The following NF1 variants were observed in gnomAD, a reference collection of about 807,000 sequenced individuals.
NF1 encodes the protein neurofibromin.
In NF1, 122 loss-of-function variants were observed where a neutral mutation model predicts 325.7. That is an observed-to-expected ratio of 0.37 (90% confidence interval 0.32 to 0.44). The LOEUF is 0.44. Ranked by LOEUF, NF1 falls within the 20% of genes least tolerant of loss-of-function variation. The pLI, the probability that NF1 is intolerant of heterozygous loss-of-function variation, is 1.00. For synonymous variants in NF1, 1,091 were observed against 1,186.0 expected (o/e 0.92, Z 1.65); for missense variants, 2,140 against 3,415.4 (o/e 0.63, Z 9.31).
intron 13 of NF1, among the ~76,000 whole-genome samples, chr17:31,215,102 G>A (rs980482541): frequency 2.6e-5 from 4 of 152,144 alleles, no homozygotes; most frequent in Non-Finnish European, 5.9e-5. Flanking sequence ...GTTAGTACTT[G>A]AGTTAGTGTG....
At chr17:31,144,067 C>T (rs1916419538) in intron 1 of NF1, among the ~76,000 whole-genome samples, 1 of 152,206 alleles carries the variant, frequency 6.6e-6, no homozygotes, top group Non-Finnish European at 1.5e-5. Flanking sequence ...TCGTGATCCG[C>T]CCGCCTCGGC....
At chr17:31,121,914 G>A (rs997223312) in intron 1 of NF1, among the ~76,000 whole-genome samples, 3 of 152,146 alleles carry the variant, frequency 2.0e-5, no homozygotes, top group Admixed American at 1.3e-4. Context: ...AATTATTCTG[G>A]TTCTGAAGGA....
At chr17:31,208,703 C>G (rs188429809) in intron 12 of NF1, among the ~76,000 whole-genome samples, 2 of 152,114 alleles carry the variant, frequency 1.3e-5, no homozygotes, top group South Asian at 4.1e-4. Context: ...CCAGCCTGGC[C>G]AACATGGTGA....
intron 5 of NF1, among the ~76,000 whole-genome samples, chr17:31,179,366 G>T (rs1165856034): frequency 2.6e-5 from 4 of 152,208 alleles, no homozygotes; most frequent in African/African-American, 9.7e-5. Context: ...ATAGCAGTGT[G>T]TAGAGGGAAA....
intron 36 of NF1, among the ~76,000 whole-genome samples, chr17:31,323,286 A>T (rs943161458): frequency 2.6e-5 from 4 of 151,924 alleles, no homozygotes; most frequent in African/African-American, 4.8e-5. Flanking sequence ...GGTGGCGCTT[A>T]TCTGTAGTCC....
chr17:31,363,161 G>C (rs1419595981), intron 57 of NF1, among the ~76,000 whole-genome samples: 1 of 152,148 alleles, frequency 6.6e-6, no homozygotes, highest in Non-Finnish European at 1.5e-5. Flanking sequence ...TCACTCAATT[G>C]TGTGTCATTG....
At chr17:31,210,890 G>A (rs1341675908) in intron 12 of NF1, among the ~76,000 whole-genome samples, 1 of 151,964 alleles carries the variant, frequency 6.6e-6, no homozygotes, top group Non-Finnish European at 1.5e-5. Context: ...TACCTTTGTA[G>A]TATTTTTTTA....
chr17:31,338,510 C>T (rs922542136), intron 45 of NF1, among the ~76,000 whole-genome samples, 194 bp from the exon 46 acceptor site: 14 of 152,072 alleles, frequency 9.2e-5, no homozygotes, highest in African/African-American at 3.4e-4. Flanking sequence ...ATGTCTGACT[C>T]TTATAATGTA....
intron 15 of NF1, 88 bp from the exon 16 acceptor site, chr17:31,223,356 A>G (rs2144013762): frequency 6.7e-7 from 1 of 1,490,616 alleles, no homozygotes; most frequent in South Asian, 1.1e-5. Context: ...ACTTGTATTC[A>G]TTATGGGAGA....
chr17:31,365,414 A>G (rs1289887270), intron 57 of NF1, among the ~76,000 whole-genome samples: 5 of 152,212 alleles, frequency 3.3e-5, no homozygotes, highest in African/African-American at 1.2e-4. Flanking sequence ...AGTTAATTCA[A>G]TAAACATTTG....
At chr17:31,101,519 G>A (rs1456632299) in intron 1 of NF1, among the ~76,000 whole-genome samples, 1 of 152,116 alleles carries the variant, frequency 6.6e-6, no homozygotes, top group Non-Finnish European at 1.5e-5. Flanking sequence ...GACCCCACTT[G>A]ATTTACCAAA....
In NF1 at chr17:31,338,010, A is replaced by G. The variant is rs2151557980; in HGVS notation, c.6705-15A>G. The G allele has an allele frequency of 1.2e-6, 2 of 1,600,930 alleles. No homozygotes were observed. Among genetic ancestry groups the G allele is most frequent in the Non-Finnish European group, 1.7e-6 (2 of 1,167,920 alleles). ...ACAAAGGTTTTTATAAGTTCTGTGG[A>G]TCTTTTAATTGCAGATTTGCATTCC... On this transcript the variant is annotated splice_polypyrimidine_tract_variant and intron_variant, in intron 44 of 57. Coordinates refer to ENST00000358273, the MANE Select transcript of NF1 (RefSeq NM_001042492.3).
At chr17:31,096,856 A>G (rs989900264) in intron 1 of NF1, among the ~76,000 whole-genome samples, 6 of 152,214 alleles carry the variant, frequency 3.9e-5, no homozygotes, top group African/African-American at 1.4e-4. Flanking sequence ...CTAAACTACT[A>G]ATCCATCTGA....
chr17:31,272,720 A>G (rs1377743287), intron 36 of NF1: 1 of 152,196 alleles, frequency 6.6e-6, no homozygotes, highest in Non-Finnish European at 1.5e-5. Context: ...ATGTTAACAA[A>G]CATGAAGAGC....
At chr17:31,106,375 C>A (rs975925861) in intron 1 of NF1, among the ~76,000 whole-genome samples, 12 of 152,028 alleles carry the variant, frequency 7.9e-5, no homozygotes, top group Non-Finnish European at 1.5e-4. Context: ...TCTATCCATT[C>A]TTTATAATTT....
intron 5 of NF1, 73 bp from the exon 6 acceptor site, chr17:31,181,349 A>G: frequency 7.3e-7 from 1 of 1,369,438 alleles, no homozygotes; most frequent in Non-Finnish European, 1.0e-6. Context: ...GTAAATGGAA[A>G]GTTATTTTGC....
chr17:31,265,485 T>C, intron 36 of NF1, 146 bp downstream of exon 36: 1 of 635,094 alleles, frequency 1.6e-6, no homozygotes, highest in Non-Finnish European at 2.8e-6. Flanking sequence ...GTAAATAGCC[T>C]GCGTTTCCTA....
At position 31,287,291 on chromosome 17, in the gene NF1, C is replaced by T. The variant is rs144385636; in HGVS notation, c.4835+21952C>T. Among the ~76,000 whole-genome samples, 305 of 152,290 alleles carry T rather than the reference C, an allele frequency of 2.0e-3. 2 individuals are homozygous for T. The highest frequency in any genetic ancestry group is 7.0e-3 in the African/African-American group (292 of 41,554). Reference sequence around the variant, plus strand: ...AGCACCCACAAAGTGCTTTAATATACATGTTTTAATCTATTCCTTAAAACA... The same window carrying T: ...AGCACCCACAAAGTGCTTTAATATATATGTTTTAATCTATTCCTTAAAACA... On this transcript the variant is annotated intron_variant, in intron 36 of 57. Coordinates refer to ENST00000358273, the MANE Select transcript of NF1 (RefSeq NM_001042492.3).
intron 35 of NF1, 102 bp from the exon 36 acceptor site, chr17:31,265,127 T>C (rs2151469746): frequency 2.3e-6 from 2 of 861,858 alleles, no homozygotes; most frequent in Non-Finnish European, 1.8e-6. Context: ...TTTTAAAATA[T>C]TTTTTCATTT....
Sources: gnomAD v4.1 joint callset for allele counts (sites outside exome capture counted in the v4.1 genomes callset) on GRCh38, gnomAD v4.1.1 for gene constraint, MANE v1.5 for transcripts, NCBI Gene and HGNC (gene_info 2026-07-23, HGNC 2026-07-21) for gene names.